The following NAP1L1 variants were observed in gnomAD, a reference collection of about 807,000 sequenced individuals.
The protein encoded by NAP1L1 is nucleosome assembly protein 1-like 1.
Under a neutral mutation model 58.9 loss-of-function variants are expected in NAP1L1, and 9 were observed. The observed-to-expected ratio is 0.15, with a 90% CI of 0.09 to 0.27. The LOEUF (loss-of-function observed/expected upper bound fraction) is 0.27, where lower values mean the gene tolerates loss of function less well. Among genes scored for constraint, NAP1L1 ranks in the 10% least tolerant of loss-of-function variants. The pLI, the probability that NAP1L1 is intolerant of heterozygous loss-of-function variation, is 1.00. For missense variants in NAP1L1, 302 were observed against 458.8 expected (o/e 0.66, Z 3.12); for synonymous variants, 130 against 138.3 (o/e 0.94, Z 0.42).
rs1241927662 is a variant in NAP1L1, at chr12:76,043,860, T to C, written c.*4569A>G. The C allele has an allele frequency of 5.9e-5, 9 of 152,224 alleles. No homozygotes were observed. The highest frequency in any genetic ancestry group is 1.0e-4 in the Non-Finnish European group (7 of 68,050). The allele number at this position is 152,224 out of a possible 1,614,324, so 9.4% of individuals were successfully genotyped here. A position where few individuals can be genotyped will look rare whatever the true frequency, so the allele number is the denominator to read the frequency against. ...CTCATGAAATTTACCAGAGCCGCAA[T>C]TGCCTAATACATTATGAATGATAAA... On this transcript the variant is annotated 3_prime_UTR_variant, in exon 15 of 15. Coordinates refer to ENST00000618691, the MANE Select transcript of NAP1L1 (RefSeq NM_004537.7).
chr12:76,048,440 T>C lies in NAP1L1; in HGVS notation c.1165A>G (p.Lys389Glu). 6.2e-7 allele frequency: 1 copy of C among 1,613,656 alleles called. No individual in the cohort carries two copies. The highest frequency in any genetic ancestry group is 1.1e-5 in the South Asian group (1 of 91,058). ...ACATACATCCTGCTTCACTGCTGCT[T>C]GCACTCTGCTGGGTTTTGATCCTTC... Reference protein sequence around the residue: ...PKKDQNPAECKQQ With the variant: ...PKKDQNPAECEQQ Residue 389 changes from lysine to glutamate, a missense_variant, in exon 15 of 15, where the codon AAG becomes GAG. Transcript: ENST00000618691.
At chr12:76,066,472 T>G (rs568911782) in intron 4 of NAP1L1, among the ~76,000 whole-genome samples, 44 of 151,960 alleles carry the variant, frequency 2.9e-4, no homozygotes, top group African/African-American at 1.1e-3. Flanking sequence ...TTGCAAAGCA[T>G]TAAAAAAAAG....
chr12:76,036,597 T>A lies in NAP1L1; in HGVS notation c.*11832A>T, dbSNP rs1442764135. On this transcript the variant is annotated 3_prime_UTR_variant, in exon 15 of 15. Transcript: ENST00000618691. ...CATGTAACAGAACTTGGAAAGTTAT[T>A]AAGTGTTTAATTCATAATGATTACA... 1 of 152,108 alleles carries A rather than the reference T, an allele frequency of 6.6e-6. No homozygotes were observed. The highest frequency in any genetic ancestry group is 2.4e-5 in the African/African-American group (1 of 41,354). The allele number at this position is 152,108 out of a possible 1,614,324, so 9.4% of individuals were successfully genotyped here.
At chr12:76,057,471 C>T (rs941998419) in intron 6 of NAP1L1, 31 of 638,264 alleles carry the variant, frequency 4.9e-5, no homozygotes, top group African/African-American at 2.2e-4. Flanking sequence ...TTGCATTTGT[C>T]GGCTCAGCTG....
At chr12:76,065,481 G>A (rs1485955299) in intron 4 of NAP1L1, among the ~76,000 whole-genome samples, 1 of 148,584 alleles carries the variant, frequency 6.7e-6, no homozygotes, top group African/African-American at 2.5e-5. Context: ...GGGCAAAACA[G>A]AACACATTAC....
At chr12:76,052,122 G>GA (rs1188185163) in intron 11 of NAP1L1, among the ~76,000 whole-genome samples, 1 of 152,046 alleles carries the variant, frequency 6.6e-6, no homozygotes, top group African/African-American at 2.4e-5. Context: ...TGAATTCCAT[G>GA]AATGTTTGAG....
intron 1 of NAP1L1, among the ~76,000 whole-genome samples, chr12:76,080,514 A>G (rs1266680258): frequency 6.6e-6 from 1 of 152,252 alleles, no homozygotes; most frequent in Non-Finnish European, 1.5e-5. Context: ...ACTAGGCCGT[A>G]CCATCTAGGT....
intron 13 of NAP1L1, 180 bp from the exon 14 acceptor site, chr12:76,049,430 T>C: frequency 6.5e-7 from 1 of 1,534,816 alleles, no homozygotes. Context: ...CCAACACAAC[T>C]TGAGACATCC....
chr12:76,081,030 C>T (rs760973319), intron 1 of NAP1L1, among the ~76,000 whole-genome samples: 1 of 152,020 alleles, frequency 6.6e-6, no homozygotes, highest in Non-Finnish European at 1.5e-5. Flanking sequence ...CCACATGGGT[C>T]CCCTCGATCT....
chr12:76,081,749 C>T (rs1950416424), intron 1 of NAP1L1, among the ~76,000 whole-genome samples: 1 of 152,160 alleles, frequency 6.6e-6, no homozygotes, highest in South Asian at 2.1e-4. Flanking sequence ...AGTCATTGTG[C>T]TAAACGACTT....
At position 76,047,863 on chromosome 12, in the gene NAP1L1, T is replaced by G. The variant is rs1948650978; in HGVS notation, c.*566A>C. 1 of 152,454 alleles carries G rather than the reference T, an allele frequency of 6.6e-6. No individual in the cohort carries two copies. Among genetic ancestry groups the G allele is most frequent in the South Asian group, 2.1e-4 (1 of 4,834 alleles). 9.4% of individuals were successfully genotyped at this position (152,454 alleles called of 1,614,324 possible). A position where few individuals can be genotyped will look rare whatever the true frequency, so the allele number is the denominator to read the frequency against. On this transcript the variant is annotated 3_prime_UTR_variant, in exon 15 of 15. Coordinates refer to ENST00000618691, the MANE Select transcript of NAP1L1 (RefSeq NM_004537.7). ...AGTCAGGTTACTTTACAGTTAACTA[T>G]GTCACCTAAAACACAATAATCCATT...
chr12:76,048,225 T>C lies in NAP1L1; in HGVS notation c.*204A>G, dbSNP rs1948665736. On this transcript the variant is annotated 3_prime_UTR_variant, in exon 15 of 15. Transcript: ENST00000618691. ...CAATGAATGAACATGCGTGACAGAA[T>C]TTGTGCATTCAACATAGCTGGCAGA... 3 of 506,560 alleles carry C rather than the reference T, an allele frequency of 5.9e-6. No homozygotes were observed. Among genetic ancestry groups the C allele is most frequent in the South Asian group, 7.0e-5 (2 of 28,608 alleles). 31.4% of individuals were successfully genotyped at this position (506,560 alleles called of 1,614,324 possible).
chr12:76,065,310 T>C (rs1949610907), intron 4 of NAP1L1, among the ~76,000 whole-genome samples: 1 of 152,016 alleles, frequency 6.6e-6, no homozygotes, highest in Non-Finnish European at 1.5e-5. Context: ...GGAGATTTTA[T>C]ATTCATTCCC....
chr12:76,053,967 T>C, intron 8 of NAP1L1, 58 bp from the exon 9 acceptor site: 1 of 1,496,708 alleles, frequency 6.7e-7, no homozygotes, highest in Non-Finnish European at 9.0e-7. Flanking sequence ...TTCAGTACTT[T>C]AGTAAACACA....
chr12:76,062,534 T>TA (rs1949464413), intron 4 of NAP1L1, among the ~76,000 whole-genome samples: 3 of 152,136 alleles, frequency 2.0e-5, no homozygotes, highest in African/African-American at 7.2e-5. Context: ...TAAATATACT[T>TA]AGAGATGAGG....
rs892657939 is a variant in NAP1L1, at chr12:76,046,513, A to C, written c.*1916T>G. ...TAAAAAAAAAAAGCACATAGTGTCT[A>C]ATCAAAGCAAAGGAAATCATTTTGA... is the stretch of plus-strand genomic sequence containing the variant. On this transcript the variant is annotated 3_prime_UTR_variant, in exon 15 of 15. Transcript: ENST00000618691. The C allele has an allele frequency of 3.9e-5, 6 of 152,458 alleles. No individual in the cohort carries two copies. Among genetic ancestry groups the C allele is most frequent in the Admixed American group, 2.6e-4 (4 of 15,270 alleles). 9.4% of individuals were successfully genotyped at this position (152,458 alleles called of 1,614,324 possible). A position where few individuals can be genotyped will look rare whatever the true frequency, so the allele number is the denominator to read the frequency against.
chr12:76,072,313 A>C (rs569956606), intron 2 of NAP1L1, among the ~76,000 whole-genome samples: 5 of 151,626 alleles, frequency 3.3e-5, no homozygotes, highest in South Asian at 2.1e-4. Flanking sequence ...AAAAAAAAAA[A>C]AACAAAAAAA....
intron 4 of NAP1L1, among the ~76,000 whole-genome samples, chr12:76,061,439 G>A (rs1949411635): frequency 1.3e-5 from 2 of 152,156 alleles, no homozygotes; most frequent in Non-Finnish European, 1.5e-5. Context: ...CTCCGTCCAC[G>A]TTCCCACAAA....
chr12:76,057,555 C>A (rs536577854), intron 6 of NAP1L1: 2 of 861,530 alleles, frequency 2.3e-6, no homozygotes, highest in East Asian at 2.5e-5. Context: ...CTGACGTTTC[C>A]GATTCCAATA....
Sources: allele counts gnomAD v4.1 joint callset (sites outside exome capture counted in the v4.1 genomes callset), GRCh38; gene constraint gnomAD v4.1.1; transcripts MANE v1.5; gene names NCBI Gene and HGNC (gene_info 2026-07-23, HGNC 2026-07-21).